Variants in EPB41 observed in about 807,000 individuals in gnomAD.
EPB41 encodes protein 4.1.
In EPB41, 65 loss-of-function variants were observed where a neutral mutation model predicts 108.0. That is an observed-to-expected ratio of 0.60 (90% CI 0.49 to 0.74). The LOEUF is 0.74. EPB41 is among the 30% of genes least tolerant of loss of function. EPB41 has a pLI of 0.00. For synonymous variants in EPB41, 336 were observed against 358.9 expected, an observed-to-expected ratio of 0.94 and a Z score of 0.72; for missense variants, 875 against 1,037.0, an observed-to-expected ratio of 0.84 and a Z score of 2.15.
At chr1:28,970,582 A>G (rs562849177) in intron 1 of EPB41, among the ~76,000 whole-genome samples, 6 of 152,090 alleles carry the variant, frequency 3.9e-5, no homozygotes, top group Non-Finnish European at 8.8e-5. Context: ...AAATTATTCC[A>G]TTGTTTTATG....
chr1:28,908,340 C>T (rs1009962132), intron 1 of EPB41, among the ~76,000 whole-genome samples: 4 of 149,110 alleles, frequency 2.7e-5, no homozygotes, highest in African/African-American at 7.4e-5. Flanking sequence ...AGGCAGAGGC[C>T]GCGGCAAGCC....
At chr1:29,009,870 C>T (rs1215893400) in intron 4 of EPB41, among the ~76,000 whole-genome samples, 1 of 152,068 alleles carries the variant, frequency 6.6e-6, no homozygotes, top group African/African-American at 2.4e-5. Context: ...CTAGTCCCCA[C>T]TCTTAGGTTT....
rs534956241 is a variant in EPB41, at chr1:29,075,114, G to A, written c.2184+9956G>A. ...GGAGCTTGCAGTGAGCCGAGATCAC[G>A]CCACTGCACTCCAGCCTGGGCGACA... On this transcript the variant is annotated intron_variant, in intron 16 of 20. Coordinates refer to ENST00000343067, the MANE Select transcript of EPB41 (RefSeq NM_001376013.1). Among the ~76,000 whole-genome samples the A allele has an allele frequency of 8.7e-5, 12 of 137,310 alleles. No individual in the cohort carries two copies. In the South Asian group the frequency reaches 1.6e-3, roughly 18 times the overall value. The allele number at this position is 137,310 out of a possible 152,430, so 90.1% of individuals were successfully genotyped here.
At chr1:28,915,731 CTTTTTTTT>C (rs11321625) in intron 1 of EPB41, among the ~76,000 whole-genome samples, 1 of 56,074 alleles carries the variant, frequency 1.8e-5, no homozygotes, top group Non-Finnish European at 3.1e-5. Context: ...TTTTCAGATG[CTTTTTTTT>C]TTTTTTTTTT....
chr1:28,969,405 A>G (rs1415543132), intron 1 of EPB41, among the ~76,000 whole-genome samples: 4 of 151,992 alleles, frequency 2.6e-5, no homozygotes, highest in Non-Finnish European at 4.4e-5. Flanking sequence ...TTTTCTTTAA[A>G]TGTTTTTAGA....
chr1:28,900,899 C>T (rs2091218846), intron 1 of EPB41, among the ~76,000 whole-genome samples: 1 of 152,086 alleles, frequency 6.6e-6, no homozygotes, highest in Non-Finnish European at 1.5e-5. Context: ...GTTTAAATGT[C>T]ACCTTCTCAA....
At chr1:29,079,416 CT>C (rs796774702) in intron 16 of EPB41, among the ~76,000 whole-genome samples, 3,594 of 143,640 alleles carry the variant, frequency 0.025, 136 homozygotes, top group African/African-American at 0.085. Context: ...TAATTATTAC[CT>C]TTTTTTTTTT....
intron 16 of EPB41, among the ~76,000 whole-genome samples, chr1:29,085,430 C>A (rs1272855530): frequency 6.6e-6 from 1 of 152,060 alleles, no homozygotes; most frequent in Admixed American, 6.6e-5. Flanking sequence ...CAGGCGTGAG[C>A]CACCACACCT....
intron 1 of EPB41, chr1:28,891,118 T>A (rs1569859526): frequency 2.3e-6 from 1 of 441,812 alleles, no homozygotes; most frequent in African/African-American, 2.1e-5. Flanking sequence ...GGTGCAAGAC[T>A]GGGCACTGAA....
Position 29,113,922 on chromosome 1 carries a change from G to A in EPB41, c.2496+1474G>A, listed in dbSNP as rs534511127. Among the ~76,000 whole-genome samples the A allele has an allele frequency of 1.4e-4, 21 of 152,242 alleles. No individual in the cohort carries two copies. In the South Asian group the frequency reaches 2.5e-3, roughly 18 times the overall value. On this transcript the variant is annotated intron_variant, in intron 19 of 20. Transcript: ENST00000343067. ...GGAGCAGCAGGTTTCATAGAGAGGT[G>A]GGCGGAGGCAGAGTCACAAAGAGAA...
At chr1:29,105,528 G>A (rs538609822) in intron 17 of EPB41, among the ~76,000 whole-genome samples, 8 of 152,206 alleles carry the variant, frequency 5.3e-5, no homozygotes, top group East Asian at 3.9e-4. Flanking sequence ...CTGAGCCACC[G>A]TACCCAACAG....
At chr1:29,025,382 AC>A (rs1405029916) in intron 7 of EPB41, among the ~76,000 whole-genome samples, 1 of 151,934 alleles carries the variant, frequency 6.6e-6, no homozygotes, top group Non-Finnish European at 1.5e-5. Flanking sequence ...ATGAGCTTTA[AC>A]CAGTGCCGGA....
rs142311106 is a variant in EPB41, at chr1:29,094,300, C to G, written c.2185-3507C>G. Among the ~76,000 whole-genome samples the G allele has an allele frequency of 4.5e-3, 682 of 151,088 alleles. 4 individuals are homozygous for G. The highest frequency in any genetic ancestry group is 0.016 in the African/African-American group (645 of 41,136). On this transcript the variant is annotated intron_variant, in intron 16 of 20. Coordinates refer to ENST00000343067, the MANE Select transcript of EPB41 (RefSeq NM_001376013.1). ...TTTTCTTTTTTTTCTTTTTTGAGGC[C>G]GAGTCTCATTCTATCACCCAGGCTG... is the stretch of plus-strand genomic sequence containing the variant.
intron 1 of EPB41, among the ~76,000 whole-genome samples, chr1:28,957,680 C>T (rs1326249775): frequency 6.6e-6 from 1 of 152,156 alleles, no homozygotes; most frequent in Non-Finnish European, 1.5e-5. Context: ...GCCAGGATTA[C>T]AGATGTGAGC....
chr1:29,027,043 G>A (rs927133083), intron 7 of EPB41, among the ~76,000 whole-genome samples: 2 of 148,464 alleles, frequency 1.3e-5, no homozygotes, highest in African/African-American at 2.5e-5. Flanking sequence ...AGTTAGCCGA[G>A]ATCATACCAC....
Position 29,097,848 on chromosome 1 carries a change from T to C in EPB41, c.2226T>C (p.Asn742=), listed in dbSNP as rs1207385312. ...VKTQTVTISD[N]ANAVKSEIPT... ...CACAAACTGTCACCATCTCAGATAATGCCAATGCTGTGAAAAGTGAAATCC... is the reference window on the plus strand; with the variant it reads ...CACAAACTGTCACCATCTCAGATAACGCCAATGCTGTGAAAAGTGAAATCC... Residue 742 remains asparagine (N), a synonymous_variant, in exon 17 of 21, where the codon AAT becomes AAC. Coordinates refer to ENST00000343067, the MANE Select transcript of EPB41 (RefSeq NM_001376013.1). The C allele has an allele frequency of 6.2e-7, 1 of 1,614,008 alleles. No individual in the cohort carries two copies. Among genetic ancestry groups the C allele is most frequent in the Admixed American group, 1.7e-5 (1 of 60,004 alleles).
intron 1 of EPB41, among the ~76,000 whole-genome samples, chr1:28,924,511 C>A (rs187743835): frequency 4.6e-5 from 7 of 151,286 alleles, no homozygotes; most frequent in Admixed American, 2.6e-4. Flanking sequence ...CTCTGGGTGA[C>A]AGAGCGAGAC....
intron 1 of EPB41, among the ~76,000 whole-genome samples, chr1:28,980,674 GC>G (rs2149428532): frequency 6.6e-6 from 1 of 152,010 alleles, no homozygotes; most frequent in African/African-American, 2.4e-5. Flanking sequence ...CCGAGATTGT[GC>G]CACTGCACTC....
At chr1:29,105,402 T>C (rs1666793275) in intron 17 of EPB41, among the ~76,000 whole-genome samples, 1 of 151,886 alleles carries the variant, frequency 6.6e-6, no homozygotes, top group Non-Finnish European at 1.5e-5. Flanking sequence ...TTCACCTGGC[T>C]AATTTTTGTA....
Sources: allele counts gnomAD v4.1 joint callset (sites outside exome capture counted in the v4.1 genomes callset), GRCh38; gene constraint gnomAD v4.1.1; transcripts MANE v1.5; gene names NCBI Gene and HGNC (gene_info 2026-07-23, HGNC 2026-07-21).